The following GPM6A variants were observed in gnomAD, a reference collection of about 807,000 sequenced individuals.
GPM6A encodes the protein glycoprotein M6A.
In GPM6A, 7 loss-of-function variants were observed where a neutral mutation model predicts 32.1. The ratio of observed to expected loss-of-function variants is 0.22; its 90% CI spans 0.12 to 0.41. The LOEUF (loss-of-function observed/expected upper bound fraction) is 0.41. Ranked by LOEUF, GPM6A falls within the 10% of genes least tolerant of loss-of-function variation. GPM6A has a pLI of 1.00. For synonymous variants in GPM6A, 130 were observed against 123.4 expected (o/e 1.05, Z -0.35); for missense variants, 235 against 347.2 (o/e 0.68, Z 2.57).
intron 1 of GPM6A, among the ~76,000 whole-genome samples, chr4:175,987,427 T>G (rs1741008942): frequency 6.6e-6 from 1 of 152,174 alleles, no homozygotes; most frequent in Non-Finnish European, 1.5e-5. Flanking sequence ...AAGTTTGTCT[T>G]AAATTACAAA....
rs553446790 is a variant in GPM6A, at chr4:175,905,264, C to T, written c.-22-93015G>A. On this transcript the variant is annotated intron_variant, in intron 1 of 7. Coordinates refer to the GPM6A transcript ENST00000280187. The stretch of plus-strand genomic sequence containing the variant: ...TCTCAGTTGCTGTCTCTGGGCTGAG[C>T]CTAGGTCAAGCTTGTCCAATCCACT... 1.1e-4 allele frequency among the ~76,000 whole-genome samples: 16 copies of T among 152,236 alleles called. No homozygotes were observed. In the South Asian group the frequency reaches 2.9e-3, roughly 28 times the overall value.
chr4:175,750,955 T>C (rs1010720966), intron 1 of GPM6A, among the ~76,000 whole-genome samples: 1 of 152,140 alleles, frequency 6.6e-6, no homozygotes, highest in African/African-American at 2.4e-5. Flanking sequence ...AATTATAATC[T>C]TCAGGGAAAT....
intron 1 of GPM6A, among the ~76,000 whole-genome samples, chr4:175,823,409 A>G (rs930304985): frequency 2.6e-5 from 4 of 152,226 alleles, no homozygotes; most frequent in Non-Finnish European, 5.9e-5. Flanking sequence ...CTAACCTTAC[A>G]TATTGGATAT....
At chr4:175,951,668 T>C (rs927938801) in intron 1 of GPM6A, among the ~76,000 whole-genome samples, 1 of 152,232 alleles carries the variant, frequency 6.6e-6, no homozygotes, top group Non-Finnish European at 1.5e-5. Flanking sequence ...AACAATTTTC[T>C]GAAAAAATAT....
chr4:175,999,001 T>C (rs1052606907), intron 1 of GPM6A, among the ~76,000 whole-genome samples: 5 of 152,188 alleles, frequency 3.3e-5, no homozygotes, highest in Non-Finnish European at 7.3e-5. Flanking sequence ...CTTACTGCCA[T>C]GAGAAGGAGC....
At chr4:175,910,205 A>G (rs1252961323) in intron 1 of GPM6A, among the ~76,000 whole-genome samples, 4 of 152,242 alleles carry the variant, frequency 2.6e-5, no homozygotes, top group Non-Finnish European at 5.9e-5. Flanking sequence ...ACAGCACACC[A>G]CTGGTTTCCC....
At chr4:175,791,246 G>T (rs1383355010) in intron 1 of GPM6A, among the ~76,000 whole-genome samples, 2 of 152,084 alleles carry the variant, frequency 1.3e-5, no homozygotes, top group Non-Finnish European at 2.9e-5. Context: ...AGATAGAAAA[G>T]ATATTCTTGT....
intron 1 of GPM6A, among the ~76,000 whole-genome samples, chr4:175,945,770 A>G (rs991287192): frequency 1.6e-4 from 24 of 151,946 alleles, no homozygotes; most frequent in African/African-American, 5.1e-4. Context: ...ACGGGTGCAT[A>G]TTACATACAA....
chr4:175,962,444 G>T, intron 1 of GPM6A: 1 of 686,114 alleles, frequency 1.5e-6, no homozygotes, highest in African/African-American at 1.8e-5. Flanking sequence ...ACCAACCTAG[G>T]ACAATAAGGC....
At chr4:175,661,064 G>A (rs1742381167) in intron 3 of GPM6A, among the ~76,000 whole-genome samples, 2 of 152,222 alleles carry the variant, frequency 1.3e-5, no homozygotes, top group South Asian at 4.1e-4. Flanking sequence ...TATACTTGGT[G>A]TATACATAAT....
intron 1 of GPM6A, among the ~76,000 whole-genome samples, chr4:175,861,435 T>TAA (rs903512266): frequency 7.0e-6 from 1 of 142,938 alleles, no homozygotes; most frequent in Admixed American, 7.0e-5. Flanking sequence ...TAATTCAAAC[T>TAA]AAAAAAAAAA....
chr4:175,767,500 C>T (rs564739789), intron 1 of GPM6A, among the ~76,000 whole-genome samples: 30 of 152,288 alleles, frequency 2.0e-4, no homozygotes, highest in Admixed American at 7.8e-4. Context: ...ATGAATTCTT[C>T]GTCTAGTGTT....
intron 1 of GPM6A, among the ~76,000 whole-genome samples, chr4:175,908,983 C>A (rs1197396189): frequency 1.6e-5 from 2 of 128,084 alleles, no homozygotes; most frequent in African/African-American, 5.9e-5. Context: ...AACGAGGATG[C>A]TCCCTGTGTT....
At chr4:175,758,104 G>T (rs935699449) in intron 1 of GPM6A, among the ~76,000 whole-genome samples, 2 of 152,118 alleles carry the variant, frequency 1.3e-5, no homozygotes, top group African/African-American at 4.8e-5. Context: ...CTTCCCCAGG[G>T]AGTGATCCAA....
chr4:175,914,109 A>C (rs1738408155), intron 1 of GPM6A, among the ~76,000 whole-genome samples: 1 of 151,864 alleles, frequency 6.6e-6, no homozygotes, highest in Non-Finnish European at 1.5e-5. Flanking sequence ...TTCCACATTT[A>C]AGGGAGGAAA....
chr4:175,644,632 C>T (rs2333248), intron 4 of GPM6A, among the ~76,000 whole-genome samples: 110,935 of 151,890 alleles, frequency 0.73, 42,666 homozygotes, highest in Admixed American at 0.84. Flanking sequence ...TTTTGATTCT[C>T]ATATATCTGT....
chr4:175,810,434 A>G (rs1341802402), intron 1 of GPM6A, among the ~76,000 whole-genome samples: 2 of 152,182 alleles, frequency 1.3e-5, no homozygotes, highest in Non-Finnish European at 2.9e-5. Flanking sequence ...CTGCTGGTGC[A>G]TATATTAATG....
intron 2 of GPM6A, among the ~76,000 whole-genome samples, chr4:175,677,065 C>G (rs987474986): frequency 6.6e-6 from 1 of 152,108 alleles, no homozygotes; most frequent in Non-Finnish European, 1.5e-5. Flanking sequence ...TTTAGATCAA[C>G]TTCAAGATTC....
At chr4:175,974,763 G>C (rs189504962) in intron 1 of GPM6A, among the ~76,000 whole-genome samples, 8 of 151,750 alleles carry the variant, frequency 5.3e-5, no homozygotes, top group Admixed American at 3.3e-4. Context: ...GCTCACGGCA[G>C]CCTCAACATT....
Sources: allele counts gnomAD v4.1 joint callset (sites outside exome capture counted in the v4.1 genomes callset), GRCh38; gene constraint gnomAD v4.1.1; transcripts MANE v1.5; gene names NCBI Gene and HGNC (gene_info 2026-07-23, HGNC 2026-07-21).